Variants in SGIP1 observed in about 807,000 individuals in gnomAD.
SGIP1 encodes the protein SH3-containing GRB2-like protein 3-interacting protein 1.
In SGIP1, 38 loss-of-function variants were observed where a neutral mutation model predicts 107.5. That is an observed-to-expected ratio of 0.35 (90% CI 0.27 to 0.46). SGIP1 has a LOEUF of 0.46. Among genes scored for constraint, SGIP1 ranks in the 20% least tolerant of loss-of-function variants. The probability of loss-of-function intolerance (pLI) is 1.00; values close to 1 mark genes in which losing one functional copy is unlikely to be tolerated. For synonymous variants in SGIP1, 365 were observed against 366.1 expected (o/e 1.00, Z 0.03); for missense variants, 929 against 1,019.5 (o/e 0.91, Z 1.21).
rs116745957 is a variant in SGIP1, at chr1:66,638,802, T to C, written c.172-975T>C. Among the ~76,000 whole-genome samples, 208 of 152,312 alleles carry C rather than the reference T, an allele frequency of 1.4e-3. 1 individual carries two copies. Among genetic ancestry groups the C allele is most frequent in the African/African-American group, 4.9e-3 (205 of 41,584 alleles). ...TTTACATTGCAGTTCAAGTGGCCTT[T>C]ATTTGTTGTTGCAAAATTAGAGGTC... On this transcript the variant is annotated intron_variant, in intron 4 of 24. Transcript: ENST00000371037.
chr1:66,710,900 C>A (rs2092870954), intron 18 of SGIP1, among the ~76,000 whole-genome samples: 1 of 151,984 alleles, frequency 6.6e-6, no homozygotes, highest in African/African-American at 2.4e-5. Flanking sequence ...ACTAAGAGAC[C>A]CTCGGAATAA....
chr1:66,608,759 C>T (rs1158394911), intron 1 of SGIP1, among the ~76,000 whole-genome samples: 5 of 152,150 alleles, frequency 3.3e-5, no homozygotes, highest in Admixed American at 1.3e-4. Context: ...GACCTTAAAA[C>T]GGGAGGAGGC....
In SGIP1 at chr1:66,612,674, G is replaced by C. The variant is rs2149173569; in HGVS notation, c.11-13173G>C. ...TAATCATGTGAAGAAGGCATAGAAT[G>C]TGAATTCTTGAGAGATTAAATGATT... On this transcript the variant is annotated intron_variant, in intron 1 of 24. Transcript: ENST00000371037. Among the ~76,000 whole-genome samples, 2 of 152,288 alleles carry C rather than the reference G, an allele frequency of 1.3e-5. 1 individual carries two copies. The highest frequency in any genetic ancestry group is 4.1e-4 in the South Asian group (2 of 4,824).
chr1:66,605,135 G>T (rs566810666), intron 1 of SGIP1, among the ~76,000 whole-genome samples: 93 of 152,248 alleles, frequency 6.1e-4, no homozygotes, highest in African/African-American at 2.2e-3. Flanking sequence ...ATGGAACAAA[G>T]GGACCCCCAT....
chr1:66,554,181 A>G (rs962414619), intron 1 of SGIP1, among the ~76,000 whole-genome samples: 8 of 152,120 alleles, frequency 5.3e-5, no homozygotes, highest in African/African-American at 1.2e-4. Flanking sequence ...TCCTTCACCC[A>G]TGAGTCAATA....
At chr1:66,710,570 A>G (rs1308243320) in intron 18 of SGIP1, among the ~76,000 whole-genome samples, 2 of 152,174 alleles carry the variant, frequency 1.3e-5, no homozygotes, top group East Asian at 1.9e-4. Context: ...ATTCTGATAC[A>G]CTTTTTCCCA....
intron 7 of SGIP1, chr1:66,660,191 GAAA>G (rs2081108074): frequency 1.8e-5 from 3 of 171,182 alleles, no homozygotes; most frequent in East Asian, 2.9e-4. Context: ...AAGAAAGAAA[GAAA>G]GAAAGAAAGA....
rs368073306 is a variant in SGIP1, at chr1:66,552,344, G to T, written c.10+17976G>T. ...TTCATTTAACAACACAATTTCTGGG[G>T]CTATGCTACCCTTGATGCTTCCACC... On this transcript the variant is annotated intron_variant, in intron 1 of 24. Coordinates refer to ENST00000371037, the MANE Select transcript of SGIP1 (RefSeq NM_032291.4). Among the ~76,000 whole-genome samples the T allele has an allele frequency of 2.6e-5, 4 of 152,210 alleles. No homozygotes were observed. In the East Asian group the frequency reaches 5.8e-4, roughly 22 times the overall value.
chr1:66,538,935 T>C (rs531210796), intron 1 of SGIP1, among the ~76,000 whole-genome samples: 87 of 152,298 alleles, frequency 5.7e-4, no homozygotes, highest in African/African-American at 1.8e-3. Flanking sequence ...CATCAAATAC[T>C]TTAGGTATTT....
intron 1 of SGIP1, among the ~76,000 whole-genome samples, chr1:66,578,476 T>C (rs1361942959): frequency 6.6e-6 from 1 of 152,218 alleles, no homozygotes; most frequent in Non-Finnish European, 1.5e-5. Flanking sequence ...AAGCATTTCA[T>C]AAAGGGAAAT....
intron 1 of SGIP1, among the ~76,000 whole-genome samples, chr1:66,568,881 T>C (rs1349252299): frequency 6.6e-6 from 1 of 151,968 alleles, no homozygotes; most frequent in African/African-American, 2.4e-5. Flanking sequence ...TTTTTAGTAA[T>C]AGTATCCAAA....
At chr1:66,592,271 T>C (rs942928318) in intron 1 of SGIP1, among the ~76,000 whole-genome samples, 1 of 152,198 alleles carries the variant, frequency 6.6e-6, no homozygotes, top group Non-Finnish European at 1.5e-5. Flanking sequence ...CAGTGTATTG[T>C]GTCCCTGGGT....
intron 18 of SGIP1, among the ~76,000 whole-genome samples, chr1:66,710,379 T>A (rs1320198616): frequency 6.6e-6 from 1 of 152,166 alleles, no homozygotes. Context: ...TCTTCTTCAC[T>A]GCTAATGATA....
chr1:66,695,393 C>T (rs2090714465), intron 17 of SGIP1, 41 bp from the exon 18 acceptor site: 1 of 1,613,864 alleles, frequency 6.2e-7, no homozygotes, highest in Non-Finnish European at 8.5e-7. Context: ...CTCTCCCTTT[C>T]CTTAACCCTT....
chr1:66,595,746 G>A (rs1019232549), intron 1 of SGIP1, among the ~76,000 whole-genome samples: 8 of 152,158 alleles, frequency 5.3e-5, no homozygotes, highest in African/African-American at 1.7e-4. Context: ...AGTGATAAAA[G>A]GAATGAAATA....
At chr1:66,686,177 T>C (rs954137468) in intron 15 of SGIP1, among the ~76,000 whole-genome samples, 1 of 152,212 alleles carries the variant, frequency 6.6e-6, no homozygotes, top group African/African-American at 2.4e-5. Context: ...TGGTCCCAGA[T>C]CTGTTGGATT....
chr1:66,540,416 T>C (rs1444574456), intron 1 of SGIP1, among the ~76,000 whole-genome samples: 1 of 152,206 alleles, frequency 6.6e-6, no homozygotes, highest in African/African-American at 2.4e-5. Flanking sequence ...TCCTTTGCCT[T>C]CCTTGCATTT....
intron 18 of SGIP1, among the ~76,000 whole-genome samples, chr1:66,702,839 A>G (rs2092090382): frequency 2.6e-5 from 4 of 152,218 alleles, no homozygotes; most frequent in Admixed American, 2.6e-4. Context: ...TTTGCTCAAG[A>G]TTGAAGCCTT....
intron 1 of SGIP1, among the ~76,000 whole-genome samples, chr1:66,597,664 A>G (rs1038679629): frequency 3.3e-5 from 5 of 152,192 alleles, no homozygotes; most frequent in African/African-American, 1.2e-4. Context: ...CAAGGTAGCC[A>G]TTAACAGTAA....
Sources: gnomAD v4.1 joint callset for allele counts (sites outside exome capture counted in the v4.1 genomes callset) on GRCh38, gnomAD v4.1.1 for gene constraint, MANE v1.5 for transcripts, NCBI Gene and HGNC (gene_info 2026-07-23, HGNC 2026-07-21) for gene names.